The following TOMM70 variants were observed in gnomAD, a reference collection of about 807,000 sequenced individuals.
The protein encoded by TOMM70 is translocase of outer mitochondrial membrane 70, also known as mitochondrial import receptor subunit TOM70.
A neutral mutation model predicts 73.6 loss-of-function variants in TOMM70; 13 were observed. The observed-to-expected ratio is 0.18, with a 90% CI of 0.11 to 0.28. The LOEUF is 0.28. TOMM70 is among the 10% of genes least tolerant of loss of function. The pLI is 1.00. For missense variants in TOMM70, 609 were observed against 747.5 expected (o/e 0.81, Z 2.16); for synonymous variants, 257 against 271.2 (o/e 0.95, Z 0.51).
intron 1 of TOMM70, among the ~76,000 whole-genome samples, chr3:100,396,330 G>C (rs1418803276): frequency 6.6e-6 from 1 of 152,026 alleles, no homozygotes; most frequent in Non-Finnish European, 1.5e-5. Context: ...TAGATTATTG[G>C]TTCCTAACCA....
Position 100,401,040 on chromosome 3 carries a change from A to G in TOMM70, c.-91T>C, listed in dbSNP as rs886719414. The G allele has an allele frequency of 3.0e-6, 4 of 1,345,132 alleles. No homozygotes were observed. The African/African-American group carries it at 6.0e-5, about 20-fold the overall frequency. The allele number at this position is 1,345,132 out of a possible 1,614,324, so 83.3% of individuals were successfully genotyped here. ...AAGGAAGACCGAGGGAGGGAAGGAA[A>G]GCAATGAGCGAGCGAGCACGCTAGG... On this transcript the variant is annotated 5_prime_UTR_variant, in exon 1 of 12. Coordinates refer to ENST00000284320, the MANE Select transcript of TOMM70 (RefSeq NM_014820.5).
chr3:100,364,852 A>G lies in TOMM70; in HGVS notation c.*712T>C, dbSNP rs1706430946. The G allele has an allele frequency of 6.6e-6, 1 of 152,178 alleles. No individual in the cohort carries two copies. The highest frequency in any genetic ancestry group is 2.4e-5 in the African/African-American group (1 of 41,442). The allele number at this position is 152,178 out of a possible 1,614,324, so 9.4% of individuals were successfully genotyped here. A position where few individuals can be genotyped will look rare whatever the true frequency, so the allele number is the denominator to read the frequency against. On this transcript the variant is annotated 3_prime_UTR_variant, in exon 12 of 12. Transcript: ENST00000284320. ...CTTTGTCTGGTCCACTCCCCCATCA[A>G]TACTCAGTCTTCCAACACATATATC... is the stretch of plus-strand genomic sequence containing the variant.
chr3:100,373,724 C>A, intron 7 of TOMM70, 79 bp from the exon 8 acceptor site: 2 of 911,248 alleles, frequency 2.2e-6, no homozygotes, highest in Non-Finnish European at 3.5e-6. Flanking sequence ...TATTATTACA[C>A]CTCAGCATAA....
rs557543584 is a variant in TOMM70 at position 100,367,166 on chromosome 3, T to C, written c.1673+878A>G. Among the ~76,000 whole-genome samples, 209 of 152,010 alleles carry C rather than the reference T, an allele frequency of 1.4e-3. 1 individual carries two copies. Among genetic ancestry groups the C allele is most frequent in the African/African-American group, 4.7e-3 (196 of 41,448 alleles). ...AACCTGGGAGGCAGAGGTTGCAGAGTCAAGATTGTGCCACTGTACTCCAGC... is the reference window on the plus strand; with the variant it reads ...AACCTGGGAGGCAGAGGTTGCAGAGCCAAGATTGTGCCACTGTACTCCAGC... On this transcript the variant is annotated intron_variant, in intron 11 of 11. Coordinates refer to ENST00000284320, the MANE Select transcript of TOMM70 (RefSeq NM_014820.5).
chr3:100,373,722 C>T (rs1388084175), intron 7 of TOMM70, 77 bp from the exon 8 acceptor site: 1 of 937,026 alleles, frequency 1.1e-6, no homozygotes, highest in African/African-American at 1.7e-5. Context: ...TCTATTATTA[C>T]ACCTCAGCAT....
At chr3:100,383,581 CCT>C (rs1706660401) in intron 4 of TOMM70, among the ~76,000 whole-genome samples, 1 of 151,586 alleles carries the variant, frequency 6.6e-6, no homozygotes, top group Admixed American at 6.6e-5. Flanking sequence ...CAGCTATACC[CCT>C]CTTAGAGATT....
At chr3:100,383,684 A>G (rs191456791) in intron 4 of TOMM70, among the ~76,000 whole-genome samples, 7 of 152,356 alleles carry the variant, frequency 4.6e-5, no homozygotes, top group Non-Finnish European at 8.8e-5. Flanking sequence ...ATATAAAATT[A>G]AAAATACAGA....
In TOMM70 at chr3:100,363,524, ACAGATGCAGCTTT is replaced by A. The variant is rs1240363233; in HGVS notation, c.*2027_*2039del. 6.6e-6 allele frequency: 1 copy of A among 152,646 alleles called. No homozygotes were observed. The allele number at this position is 152,646 out of a possible 1,614,324, so 9.5% of individuals were successfully genotyped here. A position where few individuals can be genotyped will look rare whatever the true frequency, so the allele number is the denominator to read the frequency against. ...GGTCATTTACAAAAGAAAGATACAG[ACAGATGCAGCTTT>A]CAGTGCAGTTTCAAACATTTTCACA... On this transcript the variant is annotated 3_prime_UTR_variant, in exon 12 of 12. Coordinates refer to ENST00000284320, the MANE Select transcript of TOMM70 (RefSeq NM_014820.5).
chr3:100,371,841 T>G (rs1706513874), intron 9 of TOMM70, among the ~76,000 whole-genome samples: 1 of 152,032 alleles, frequency 6.6e-6, no homozygotes, highest in African/African-American at 2.4e-5. Context: ...GATTTGACAG[T>G]GACAGGAGGT....
Position 100,368,930 on chromosome 3 carries a change from C to T in TOMM70, c.1550+108G>A. 5.4e-6 allele frequency: 4 copies of T among 745,136 alleles called. No individual in the cohort carries two copies. The East Asian group carries it at 7.8e-5, about 15-fold the overall frequency. 46.2% of individuals were successfully genotyped at this position (745,136 alleles called of 1,614,324 possible). On this transcript the variant is annotated intron_variant, in intron 10 of 11. Transcript: ENST00000284320. ...CATCTAGGAGCATTAAGAAGTTTGT[C>T]AATTAACTTCTCTACCACAGTCCCC...
intron 1 of TOMM70, among the ~76,000 whole-genome samples, chr3:100,393,230 G>A (rs1425644965): frequency 4.6e-5 from 7 of 150,604 alleles, no homozygotes; most frequent in Admixed American, 4.0e-4. Flanking sequence ...TGATAAAAGT[G>A]TAGTATATAT....
chr3:100,397,521 A>G (rs952492557), intron 1 of TOMM70, among the ~76,000 whole-genome samples: 1 of 151,136 alleles, frequency 6.6e-6, no homozygotes, highest in African/African-American at 2.5e-5. Flanking sequence ...CCAAAAATAA[A>G]TCATTTTAAA....
intron 1 of TOMM70, among the ~76,000 whole-genome samples, chr3:100,400,267 C>G (rs1204928233): frequency 6.6e-6 from 1 of 152,122 alleles, no homozygotes; most frequent in Non-Finnish European, 1.5e-5. Context: ...AGAAACAGTT[C>G]GTATCACGAT....
chr3:100,377,514 G>A, intron 6 of TOMM70, 191 bp downstream of exon 6: 1 of 594,224 alleles, frequency 1.7e-6, no homozygotes, highest in Non-Finnish European at 2.9e-6. Flanking sequence ...CCTAAATAAA[G>A]ATAAATATCA....
chr3:100,390,782 T>C (rs916797644), intron 1 of TOMM70, among the ~76,000 whole-genome samples: 4 of 151,332 alleles, frequency 2.6e-5, no homozygotes, highest in African/African-American at 9.7e-5. Context: ...TGAGCCAAGA[T>C]TGCGCCACTG....
chr3:100,366,147 AC>A (rs1244539390), intron 11 of TOMM70, among the ~76,000 whole-genome samples: 2 of 152,194 alleles, frequency 1.3e-5, no homozygotes, highest in Non-Finnish European at 2.9e-5. Context: ...GACACTAATG[AC>A]ATGCAAGGGC....
intron 4 of TOMM70, among the ~76,000 whole-genome samples, chr3:100,382,680 A>G (rs998933946): frequency 9.2e-5 from 14 of 152,226 alleles, no homozygotes; most frequent in Admixed American, 4.6e-4. Context: ...ACCTGAAGCT[A>G]GATAAATCAT....
intron 1 of TOMM70, among the ~76,000 whole-genome samples, chr3:100,390,994 A>T (rs1256899321): frequency 1.3e-5 from 2 of 151,792 alleles, no homozygotes; most frequent in Non-Finnish European, 2.9e-5. Context: ...AAAAAAAATT[A>T]GCCAGGTGTG....
At chr3:100,366,967 C>T (rs1706453322) in intron 11 of TOMM70, among the ~76,000 whole-genome samples, 1 of 152,210 alleles carries the variant, frequency 6.6e-6, no homozygotes, top group African/African-American at 2.4e-5. Context: ...CACCTGTAAT[C>T]CCAGCACTTC....
Sources: allele counts gnomAD v4.1 joint callset (sites outside exome capture counted in the v4.1 genomes callset), GRCh38; gene constraint gnomAD v4.1.1; transcripts MANE v1.5; gene names NCBI Gene and HGNC (gene_info 2026-07-23, HGNC 2026-07-21).